Variants in CRAMP1 observed in about 807,000 individuals in gnomAD.
CRAMP1 encodes cramped chromatin regulator 1.
In CRAMP1, 50 loss-of-function variants were observed where a neutral mutation model predicts 115.4. That is an observed-to-expected ratio of 0.43 (90% CI 0.35 to 0.55). The LOEUF is 0.55. Ranked by LOEUF, CRAMP1 falls within the 20% of genes least tolerant of loss-of-function variation. The pLI is 0.01. For missense variants in CRAMP1, 1,679 were observed against 1,721.7 expected (o/e 0.98, Z 0.44); for synonymous variants, 866 against 745.4 (o/e 1.16, Z -2.64).
rs2036776725 is a variant in CRAMP1, at chr16:1,656,549, G to A, written c.1792G>A (p.Glu598Lys). 3.9e-6 allele frequency: 6 copies of A among 1,557,856 alleles called. No individual in the cohort carries two copies. In the East Asian group the frequency reaches 1.5e-4, roughly 38 times the overall value. The change falls in exon 10 of 21, where the codon GAG becomes AAG. Residue 598 changes from glutamate to lysine, a missense_variant. Physicochemically the swap from Glu to Lys is moderately conservative, Grantham distance 56 (BLOSUM62 1). Transcript: ENST00000397412. The surrounding 1 kb of genome is among the most constrained non-coding windows in gnomAD (Gnocchi z 5.6). The part of the protein sequence containing the change: ...QPPLGGAASP[E>K]VLAPVSKEAA... ...CCCTCTGGGCGGGGCGGCCTCCCCA[G>A]AGGTGCTGGCTCCTGTCAGCAAGGA...
chr16:1,646,323 C>A (rs943572627), intron 6 of CRAMP1, among the ~76,000 whole-genome samples: 20 of 152,136 alleles, frequency 1.3e-4, no homozygotes, highest in Admixed American at 2.6e-4. Flanking sequence ...AGCTGCCAGA[C>A]TCTTCCAAGA....
chr16:1,652,119 G>A (rs1454650978), intron 6 of CRAMP1, among the ~76,000 whole-genome samples: 1 of 152,230 alleles, frequency 6.6e-6, no homozygotes, highest in African/African-American at 2.4e-5. Flanking sequence ...AGGGCCCAAA[G>A]TGGGAGGACT....
intron 8 of CRAMP1, among the ~76,000 whole-genome samples, chr16:1,654,233 TGGAG>T: frequency 6.7e-6 from 1 of 150,310 alleles, no homozygotes. Context: ...TTTTCCGAGA[TGGAG>T]TCTTGCTCTG....
At chr16:1,631,356 T>C (rs2142177551) in intron 3 of CRAMP1, among the ~76,000 whole-genome samples, 1 of 152,318 alleles carries the variant, frequency 6.6e-6, no homozygotes, top group Non-Finnish European at 1.5e-5. Flanking sequence ...TGCATCCTCT[T>C]CTCACGTCCC....
chr16:1,655,687 A>AT (rs1423376820), intron 9 of CRAMP1, among the ~76,000 whole-genome samples, 190 bp from the exon 10 acceptor site: 2 of 152,134 alleles, frequency 1.3e-5, no homozygotes, highest in Non-Finnish European at 2.9e-5. Flanking sequence ...TCAGGTGTGA[A>AT]TTTCCTGAAG....
chr16:1,636,096 C>T (rs1000861900), intron 4 of CRAMP1, among the ~76,000 whole-genome samples: 10 of 152,234 alleles, frequency 6.6e-5, no homozygotes, highest in South Asian at 2.1e-4. Context: ...TGAGGCCAGG[C>T]GTGGTGGCTC....
In CRAMP1 at chr16:1,637,829, T is replaced by C; in HGVS notation, c.700T>C (p.Ser234Pro). The change falls in exon 5 of 21, where the codon TCT (serine) becomes CCT (proline). Residue 234 changes from serine to proline, a missense_variant. This residue lies in a region of CRAMP1 where 42 missense variants were observed against 42.3 expected (regional missense o/e 0.99). Coordinates refer to ENST00000397412, the MANE Select transcript of CRAMP1 (RefSeq NM_020825.4). ...CCTTCTCTTCTGTTTCTCAGTGTTCTCTCGAGGCCTGAAGAAGTCATCCCA... is the reference window on the plus strand; with the variant it reads ...CCTTCTCTTCTGTTTCTCAGTGTTCCCTCGAGGCCTGAAGAAGTCATCCCA... ...TKYIDFDHVF[S>P]RGLKKSSQEL... 6.6e-7 allele frequency: 1 copy of C among 1,525,250 alleles called. No individual in the cohort carries two copies. Among genetic ancestry groups the C allele is most frequent in the Non-Finnish European group, 8.8e-7 (1 of 1,136,328 alleles). 94.5% of individuals were successfully genotyped at this position (1,525,250 alleles called of 1,614,324 possible).
intron 13 of CRAMP1, among the ~76,000 whole-genome samples, chr16:1,664,311 A>G (rs1301393020): frequency 6.6e-6 from 1 of 152,230 alleles, no homozygotes; most frequent in African/African-American, 2.4e-5. Flanking sequence ...GGAAAGGAGC[A>G]CTTCATGCCC....
intron 6 of CRAMP1, among the ~76,000 whole-genome samples, chr16:1,646,220 G>T (rs2036673275): frequency 6.6e-6 from 1 of 152,196 alleles, no homozygotes. Context: ...TGATGAAGAA[G>T]TGCCCAGGCT....
Position 1,677,282 on chromosome 16 carries a change from A to C in CRAMP1, c.*3237A>C, listed in dbSNP as rs1745855284. The C allele has an allele frequency of 6.6e-6, 1 of 152,228 alleles. No homozygotes were observed. Among genetic ancestry groups the C allele is most frequent in the African/African-American group, 2.4e-5 (1 of 41,448 alleles). The allele number at this position is 152,228 out of a possible 1,614,324, so 9.4% of individuals were successfully genotyped here. ...ACATGGAGAGACCCTGTCTCTACTA[A>C]AAGTACAGAATTAGCCGGGCGTGGT... On this transcript the variant is annotated 3_prime_UTR_variant, in exon 21 of 21. Transcript: ENST00000397412.
At chr16:1,643,664 TC>T (rs1186387612) in intron 6 of CRAMP1, among the ~76,000 whole-genome samples, 4 of 152,168 alleles carry the variant, frequency 2.6e-5, no homozygotes, top group Non-Finnish European at 5.9e-5. Flanking sequence ...AGCCTCATCC[TC>T]CCGGGCAGCA....
In CRAMP1 at chr16:1,627,149, C is replaced by CT. The variant is rs879787589; in HGVS notation, c.540+996dup. Among the ~76,000 whole-genome samples the CT allele has an allele frequency of 4.8e-3, 694 of 144,846 alleles. 2 individuals carry two copies. The highest frequency in any genetic ancestry group is 0.015 in the African/African-American group (578 of 39,756). The stretch of plus-strand genomic sequence containing the variant: ...AGGTTCGTGATCGGTGAGCCTTGTT[C>CT]TTTTTTTTTTTTTGGAGATGGAATC... On this transcript the variant is annotated intron_variant, in intron 3 of 20. Transcript: ENST00000397412.
At chr16:1,651,660 G>A (rs933084959) in intron 6 of CRAMP1, among the ~76,000 whole-genome samples, 1 of 145,374 alleles carries the variant, frequency 6.9e-6, no homozygotes, top group Non-Finnish European at 1.5e-5. Flanking sequence ...TCACACAGAG[G>A]TAACCTAGAG....
chr16:1,651,062 A>G (rs1187900313), intron 6 of CRAMP1, among the ~76,000 whole-genome samples: 1 of 152,116 alleles, frequency 6.6e-6, no homozygotes, highest in African/African-American at 2.4e-5. Flanking sequence ...GAGGTCACAC[A>G]GAGGTCACGG....
chr16:1,651,163 G>T (rs1017729254), intron 6 of CRAMP1, among the ~76,000 whole-genome samples: 1 of 151,710 alleles, frequency 6.6e-6, no homozygotes, highest in Non-Finnish European at 1.5e-5. Context: ...CGAAAAGGTG[G>T]ACTGAGGTCA....
rs1188865949 is a variant in CRAMP1, at chr16:1,677,780, T to C, written c.*3735T>C. ...ATTGTAAATTATATTATTTATTCTT[T>C]ACCAATTTTGGGAATAAAAGGTGTT... On this transcript the variant is annotated 3_prime_UTR_variant, in exon 21 of 21. Coordinates refer to ENST00000397412, the MANE Select transcript of CRAMP1 (RefSeq NM_020825.4). 2 of 152,822 alleles carry C rather than the reference T, an allele frequency of 1.3e-5. No individual in the cohort carries two copies. Among genetic ancestry groups the C allele is most frequent in the Admixed American group, 1.3e-4 (2 of 15,298 alleles). The allele number at this position is 152,822 out of a possible 1,614,324, so 9.5% of individuals were successfully genotyped here.
intron 2 of CRAMP1, chr16:1,625,644 A>G (rs1040388801): frequency 1.2e-4 from 24 of 205,922 alleles, no homozygotes; most frequent in Non-Finnish European, 1.8e-4. Flanking sequence ...GTGAGGCTTC[A>G]TTTTGCAGAG....
intron 4 of CRAMP1, among the ~76,000 whole-genome samples, chr16:1,633,930 T>C (rs964324610): frequency 6.6e-6 from 1 of 151,760 alleles, no homozygotes; most frequent in Non-Finnish European, 1.5e-5. Flanking sequence ...TAGCTGGGCA[T>C]GGTGGTGCAC....
chr16:1,671,075 C>T lies in CRAMP1; in HGVS notation c.3645+266C>T, dbSNP rs377035115. The stretch of plus-strand genomic sequence containing the variant: ...CTGAACTGGAAACCCTGGTCTGGGG[C>T]GCAGAGCAGGGTCTCTGAAGGCAGC... On this transcript the variant is annotated intron_variant, in intron 20 of 20. Transcript: ENST00000397412. This position sits in a 1 kb window ranked among gnomAD's most constrained non-coding sequence, Gnocchi z 5.0. Among the ~76,000 whole-genome samples the T allele has an allele frequency of 2.0e-5, 3 of 152,256 alleles. No homozygotes were observed. Among genetic ancestry groups the T allele is most frequent in the Middle Eastern group, 3.4e-3 (1 of 294 alleles).
Sources: gnomAD v4.1 joint callset for allele counts (sites outside exome capture counted in the v4.1 genomes callset) on GRCh38, gnomAD v4.1.1 for gene constraint, gnomAD v4.1.1 regional missense constraint, Gnocchi (gnomAD v3.1) non-coding constraint, MANE v1.5 for transcripts, NCBI Gene and HGNC (gene_info 2026-07-23, HGNC 2026-07-21) for gene names.